The following NRXN3 variants were observed in gnomAD, a reference collection of about 807,000 sequenced individuals.
NRXN3 encodes neurexin 3, also known as neurexin III.
A neutral mutation model predicts 137.6 loss-of-function variants in NRXN3; 32 were observed. That is an observed-to-expected ratio of 0.23 (90% CI 0.18 to 0.31). The LOEUF is 0.31. Ranked by LOEUF, NRXN3 falls within the 10% of genes least tolerant of loss-of-function variation. The pLI is 1.00. For missense variants in NRXN3, 1,574 were observed against 2,062.5 expected (o/e 0.76, Z 4.59); for synonymous variants, 798 against 784.5 (o/e 1.02, Z -0.29).
chr14:79,102,089 C>G (rs2051425116), intron 15 of NRXN3, among the ~76,000 whole-genome samples: 1 of 152,112 alleles, frequency 6.6e-6, no homozygotes, highest in South Asian at 2.1e-4. Flanking sequence ...CTGCTCATGT[C>G]TTGATTTGAG....
intron 19 of NRXN3, among the ~76,000 whole-genome samples, chr14:79,791,901 G>A (rs1379646023): frequency 6.6e-6 from 1 of 152,156 alleles, no homozygotes; most frequent in East Asian, 1.9e-4. Context: ...GAGGAAGAGG[G>A]GAATGGATAT....
At chr14:79,782,062 T>C (rs1251693177) in intron 19 of NRXN3, among the ~76,000 whole-genome samples, 2 of 152,182 alleles carry the variant, frequency 1.3e-5, no homozygotes, top group African/African-American at 2.4e-5. Context: ...TTGGATTCTT[T>C]CCACAGCTTG....
At chr14:78,978,484 A>G (rs207474992) in intron 14 of NRXN3, among the ~76,000 whole-genome samples, 63 of 152,150 alleles carry the variant, frequency 4.1e-4, no homozygotes, top group African/African-American at 1.4e-3. Context: ...GTTAAAATGA[A>G]TAGATCTTAT....
intron 4 of NRXN3, among the ~76,000 whole-genome samples, chr14:78,314,922 TCTTTCTTTCTTTCTTTCTTTCTTCCTTC>T (rs2078441584): frequency 8.8e-6 from 1 of 114,234 alleles, no homozygotes; most frequent in African/African-American, 4.4e-5. Flanking sequence ...TTTCTTTCTT[TCTTTCTTTCTTTCTTTCTTTCTTCCTTC>T]CTTCCTTCCT....
At chr14:78,951,336 T>A (rs1234272939) in intron 10 of NRXN3, among the ~76,000 whole-genome samples, 2 of 152,192 alleles carry the variant, frequency 1.3e-5, no homozygotes, top group Non-Finnish European at 2.9e-5. Context: ...TCATGTGATC[T>A]GGACTCTGCC....
chr14:79,624,752 G>T (rs221493), intron 16 of NRXN3, among the ~76,000 whole-genome samples: 48,897 of 149,612 alleles, frequency 0.33, 10,915 homozygotes, highest in African/African-American at 0.65. Flanking sequence ...TGTCGACTTA[G>T]GAGTGAGATC....
At chr14:79,344,429 T>C (rs1450755011) in intron 15 of NRXN3, among the ~76,000 whole-genome samples, 1 of 152,204 alleles carries the variant, frequency 6.6e-6, no homozygotes, top group Non-Finnish European at 1.5e-5. Flanking sequence ...TTGAGTCTGT[T>C]GTCACATAGG....
intron 4 of NRXN3, among the ~76,000 whole-genome samples, chr14:78,410,099 C>T (rs2092734057): frequency 6.6e-6 from 1 of 152,180 alleles, no homozygotes; most frequent in African/African-American, 2.4e-5. Flanking sequence ...AGAAAGAGTC[C>T]TGGGCTTTTC....
chr14:79,714,182 T>C (rs1567983461), intron 19 of NRXN3, among the ~76,000 whole-genome samples: 1 of 152,232 alleles, frequency 6.6e-6, no homozygotes, highest in Non-Finnish European at 1.5e-5. Flanking sequence ...TAATGTTGGA[T>C]GGATGTACAT....
intron 4 of NRXN3, among the ~76,000 whole-genome samples, chr14:78,573,766 C>A (rs1025626845): frequency 6.6e-6 from 1 of 151,982 alleles, no homozygotes; most frequent in Non-Finnish European, 1.5e-5. Flanking sequence ...CCTGACGATG[C>A]GATAGAAAAG....
intron 16 of NRXN3, among the ~76,000 whole-genome samples, chr14:79,469,269 G>C (rs1175185427): frequency 1.3e-5 from 2 of 152,152 alleles, no homozygotes; most frequent in Non-Finnish European, 2.9e-5. Flanking sequence ...CCACTTTTAA[G>C]AGAGAGGTTT....
At chr14:78,607,374 C>T (rs1454526603) in intron 4 of NRXN3, among the ~76,000 whole-genome samples, 2 of 152,090 alleles carry the variant, frequency 1.3e-5, no homozygotes, top group African/African-American at 4.8e-5. Context: ...CCTAAAGGAC[C>T]AAGGTGTAAG....
chr14:79,003,631 G>A (rs909972093), intron 15 of NRXN3, among the ~76,000 whole-genome samples: 1 of 152,094 alleles, frequency 6.6e-6, no homozygotes, highest in Non-Finnish European at 1.5e-5. Context: ...AGGGAACTAT[G>A]GGGTTTCTGG....
intron 10 of NRXN3, among the ~76,000 whole-genome samples, chr14:78,894,553 T>C (rs2099168056): frequency 6.6e-6 from 1 of 151,918 alleles, no homozygotes; most frequent in Non-Finnish European, 1.5e-5. Flanking sequence ...TCCATGAAGA[T>C]TGGAATCTTT....
chr14:79,570,263 C>A (rs1428111701), intron 16 of NRXN3, among the ~76,000 whole-genome samples: 4 of 152,170 alleles, frequency 2.6e-5, no homozygotes, highest in African/African-American at 9.6e-5. Context: ...CAATTCCTGC[C>A]ATGAGAATGT....
chr14:78,975,161 C>A (rs150604551), intron 14 of NRXN3, among the ~76,000 whole-genome samples: 6 of 152,252 alleles, frequency 3.9e-5, no homozygotes, highest in Non-Finnish European at 7.3e-5. Flanking sequence ...AAGAATTCCA[C>A]AGATGATCAG....
intron 16 of NRXN3, among the ~76,000 whole-genome samples, chr14:79,501,890 A>G (rs1476751494): frequency 6.6e-6 from 1 of 152,096 alleles, no homozygotes; most frequent in Admixed American, 6.6e-5. Context: ...TTATATTTTT[A>G]TCTGATTGGG....
chr14:79,582,182 G>T (rs192081427), intron 16 of NRXN3, among the ~76,000 whole-genome samples: 17 of 152,224 alleles, frequency 1.1e-4, no homozygotes, highest in African/African-American at 3.6e-4. Flanking sequence ...AGTTCAAGCA[G>T]TCCTCCCTTG....
intron 4 of NRXN3, among the ~76,000 whole-genome samples, chr14:78,539,165 A>G (rs765959858): frequency 4.6e-5 from 7 of 151,978 alleles, no homozygotes; most frequent in Non-Finnish European, 2.9e-5. Flanking sequence ...TTTTCTATTG[A>G]TTGGAATAGT....
Sources: allele counts gnomAD v4.1 joint callset (sites outside exome capture counted in the v4.1 genomes callset), GRCh38; gene constraint gnomAD v4.1.1; transcripts MANE v1.5; gene names NCBI Gene and HGNC (gene_info 2026-07-23, HGNC 2026-07-21).